Variants in LRSAM1 observed in about 807,000 individuals in gnomAD.
The protein encoded by LRSAM1 is E3 ubiquitin-protein ligase LRSAM1.
In LRSAM1, 96 loss-of-function variants were observed where a neutral mutation model predicts 118.1. The ratio of observed to expected loss-of-function variants is 0.81; its 90% CI spans 0.69 to 0.96. The LOEUF (loss-of-function observed/expected upper bound fraction) is 0.96, where lower values mean the gene tolerates loss of function less well. LRSAM1 is among the 40% of genes least tolerant of loss of function. The probability of loss-of-function intolerance (pLI) is 0.00; values close to 1 mark genes in which losing one functional copy is unlikely to be tolerated. For synonymous variants in LRSAM1, 322 were observed against 364.2 expected (o/e 0.88, Z 1.32); for missense variants, 804 against 915.5 (o/e 0.88, Z 1.57).
At chr9:127,457,813 G>A (rs1299284245) in intron 6 of LRSAM1, among the ~76,000 whole-genome samples, 3 of 152,168 alleles carry the variant, frequency 2.0e-5, no homozygotes, top group South Asian at 2.1e-4. Context: ...GTTGTTATGC[G>A]CAGACCTGAG....
At chr9:127,457,129 G>C (rs1462606071) in intron 5 of LRSAM1, among the ~76,000 whole-genome samples, 187 bp from the exon 6 acceptor site, 2 of 152,248 alleles carry the variant, frequency 1.3e-5, no homozygotes, top group African/African-American at 4.8e-5. Flanking sequence ...TGAAGATCCA[G>C]GTTTTAAGGA....
intron 11 of LRSAM1, among the ~76,000 whole-genome samples, chr9:127,477,577 T>C (rs1211882412): frequency 2.7e-5 from 4 of 149,940 alleles, no homozygotes; most frequent in Non-Finnish European, 5.9e-5. Context: ...AGCAAGACCT[T>C]GTCTCTACCA....
At chr9:127,476,243 G>A (rs1289519387) in intron 11 of LRSAM1, among the ~76,000 whole-genome samples, 1 of 152,184 alleles carries the variant, frequency 6.6e-6, no homozygotes, top group East Asian at 1.9e-4. Context: ...GAGCATTTGA[G>A]CCTCGGCTCG....
chr9:127,474,138 CA>C (rs1835273852), intron 11 of LRSAM1, among the ~76,000 whole-genome samples: 1 of 152,190 alleles, frequency 6.6e-6, no homozygotes, highest in Non-Finnish European at 1.5e-5. Flanking sequence ...TTGCCAAGCA[CA>C]AGCTGTGCCC....
intron 21 of LRSAM1, among the ~76,000 whole-genome samples, chr9:127,494,346 C>T (rs1197625974): frequency 1.3e-5 from 2 of 152,262 alleles, no homozygotes; most frequent in Non-Finnish European, 1.5e-5. Flanking sequence ...TGAACAGCTC[C>T]GTTGTTCTGA....
intron 25 of LRSAM1, 26 bp downstream of exon 25, chr9:127,501,169 C>T (rs1836378349): frequency 1.2e-6 from 2 of 1,608,212 alleles, no homozygotes; most frequent in East Asian, 4.5e-5. Context: ...TCCCCACCCG[C>T]CTGCCCTGCC....
intron 16 of LRSAM1, among the ~76,000 whole-genome samples, chr9:127,484,005 ACTGCCAC>A (rs1418809400): frequency 6.6e-6 from 1 of 152,094 alleles, no homozygotes; most frequent in Non-Finnish European, 1.5e-5. Context: ...TTGTTGTACA[ACTGCCAC>A]CACCATCCAT....
intron 11 of LRSAM1, among the ~76,000 whole-genome samples, chr9:127,476,500 G>T (rs1482222650): frequency 6.6e-6 from 1 of 152,000 alleles, no homozygotes; most frequent in Non-Finnish European, 1.5e-5. Flanking sequence ...AGTGAGCTAA[G>T]ATTACACCAC....
At chr9:127,494,121 G>A (rs1836032989) in intron 21 of LRSAM1, among the ~76,000 whole-genome samples, 1 of 152,222 alleles carries the variant, frequency 6.6e-6, no homozygotes, top group East Asian at 1.9e-4. Context: ...GGCCTTGGGG[G>A]TCACCACCAA....
Position 127,501,682 on chromosome 9 carries a change from A to G in LRSAM1, c.2046+539A>G, listed in dbSNP as rs575493186. Among the ~76,000 whole-genome samples the G allele has an allele frequency of 4.5e-4, 69 of 152,358 alleles. 1 individual carries two copies. In the South Asian group the frequency reaches 0.013, roughly 28 times the overall value. ...GGGAGGCAGAGATTGCAGTGAGCCAAGATCCCACCACTGCACTCCAGCCTG... is the reference window on the plus strand; with the variant it reads ...GGGAGGCAGAGATTGCAGTGAGCCAGGATCCCACCACTGCACTCCAGCCTG... On this transcript the variant is annotated intron_variant, in intron 25 of 25. Coordinates refer to ENST00000300417, the MANE Select transcript of LRSAM1 (RefSeq NM_001005373.4).
chr9:127,452,962 C>T (rs983264269), intron 2 of LRSAM1, among the ~76,000 whole-genome samples: 1 of 152,204 alleles, frequency 6.6e-6, no homozygotes, highest in African/African-American at 2.4e-5. Context: ...ATGTGAGCAC[C>T]AAGCAGTCGG....
intron 9 of LRSAM1, among the ~76,000 whole-genome samples, chr9:127,466,178 G>A (rs907461935): frequency 6.6e-6 from 1 of 151,710 alleles, no homozygotes; most frequent in African/African-American, 2.4e-5. Context: ...GTGTGGTGGC[G>A]CATGCCTATA....
Position 127,495,435 on chromosome 9 carries a change from C to T in LRSAM1, c.1698+17C>T. ...AAGCTGCAAGTAAGGACTGCTGGTG[C>T]CTGTCCCGGCCAGGGAGCCCTGGGG... On this transcript the variant is annotated intron_variant, in intron 22 of 25. Transcript: ENST00000300417. 6.2e-7 allele frequency: 1 copy of T among 1,609,630 alleles called. No individual in the cohort carries two copies. Among genetic ancestry groups the T allele is most frequent in the Non-Finnish European group, 8.5e-7 (1 of 1,176,742 alleles).
At chr9:127,499,880 G>A (rs540958230) in intron 24 of LRSAM1, among the ~76,000 whole-genome samples, 4 of 150,010 alleles carry the variant, frequency 2.7e-5, no homozygotes, top group Non-Finnish European at 4.4e-5. Context: ...AGCCGAGATC[G>A]CACCACACTG....
At chr9:127,467,372 C>T (rs80153391) in intron 9 of LRSAM1, among the ~76,000 whole-genome samples, 1 of 151,994 alleles carries the variant, frequency 6.6e-6, no homozygotes, top group African/African-American at 2.4e-5. Context: ...TGGTGCAGCT[C>T]ACCTCAATAT....
chr9:127,454,740 C>G, intron 3 of LRSAM1, 141 bp downstream of exon 3: 1 of 995,854 alleles, frequency 1.0e-6, no homozygotes, highest in Admixed American at 2.0e-5. Context: ...GACTTAGACC[C>G]AACAGATGAG....
chr9:127,479,559 C>T, intron 13 of LRSAM1, 54 bp downstream of exon 13: 2 of 1,608,954 alleles, frequency 1.2e-6, no homozygotes, highest in Non-Finnish European at 1.7e-6. Context: ...AGCCAGTGGC[C>T]TCCTGGCTTG....
chr9:127,500,358 C>CCAAAAAAAAAAAA (rs1554762369), intron 24 of LRSAM1, among the ~76,000 whole-genome samples: 2 of 93,566 alleles, frequency 2.1e-5, no homozygotes, highest in Non-Finnish European at 4.3e-5. Flanking sequence ...GAGACTGTCT[C>CCAAAAAAAAAAAA]AAAAAAAAAA....
At chr9:127,477,450 A>G (rs1368391876) in intron 11 of LRSAM1, among the ~76,000 whole-genome samples, 1 of 152,236 alleles carries the variant, frequency 6.6e-6, no homozygotes, top group Non-Finnish European at 1.5e-5. Flanking sequence ...TAGAAGGACC[A>G]TTCAAAAAAT....
Sources: allele counts gnomAD v4.1 joint callset (sites outside exome capture counted in the v4.1 genomes callset), GRCh38; gene constraint gnomAD v4.1.1; transcripts MANE v1.5; gene names NCBI Gene and HGNC (gene_info 2026-07-23, HGNC 2026-07-21).